The following SCAI variants were observed in gnomAD, a reference collection of about 807,000 sequenced individuals.
SCAI encodes the protein suppressor of cancer cell invasion.
A neutral mutation model predicts 92.2 loss-of-function variants in SCAI; 24 were observed. The ratio of observed to expected loss-of-function variants is 0.26; its 90% CI spans 0.19 to 0.37. The LOEUF (loss-of-function observed/expected upper bound fraction) is 0.37, where lower values mean the gene tolerates loss of function less well. Ranked by LOEUF, SCAI falls within the 10% of genes least tolerant of loss-of-function variation. The pLI, the probability that SCAI is intolerant of heterozygous loss-of-function variation, is 1.00. For missense variants in SCAI, 450 were observed against 736.2 expected (o/e 0.61, Z 4.50); for synonymous variants, 261 against 258.6 (o/e 1.01, Z -0.09).
intron 17 of SCAI, among the ~76,000 whole-genome samples, chr9:124,965,923 T>C (rs1476799535): frequency 6.6e-6 from 1 of 152,174 alleles, no homozygotes; most frequent in Non-Finnish European, 1.5e-5. Context: ...CATTTTTTAT[T>C]ACAATACACA....
intron 2 of SCAI, among the ~76,000 whole-genome samples, chr9:125,107,042 C>T (rs1467506638): frequency 6.6e-6 from 1 of 151,592 alleles, no homozygotes. Flanking sequence ...CTTTCAATTG[C>T]CCTTGAATTA....
intron 17 of SCAI, among the ~76,000 whole-genome samples, chr9:124,967,662 T>TACAC (rs59150863): frequency 6.9e-4 from 104 of 150,626 alleles, no homozygotes; most frequent in African/African-American, 2.0e-3. Flanking sequence ...AATAAAAAAA[T>TACAC]ACACACACAC....
At position 124,942,936 on chromosome 9, in the gene SCAI, T is replaced by A. The variant is rs2131556017; in HGVS notation, c.*9871A>T. On this transcript the variant is annotated 3_prime_UTR_variant, in exon 18 of 18. Transcript: ENST00000336505. ...AGAATCACAGTGTTTACTCTGAAAT[T>A]CATTTAGTGAAGTAGTGGAAGGCTA... is the stretch of plus-strand genomic sequence containing the variant. 1 of 152,364 alleles carries A rather than the reference T, an allele frequency of 6.6e-6. No homozygotes were observed. The highest frequency in any genetic ancestry group is 2.4e-5 in the African/African-American group (1 of 41,596). The allele number at this position is 152,364 out of a possible 1,614,324, so 9.4% of individuals were successfully genotyped here.
At chr9:124,965,350 C>T (rs1831519622) in intron 17 of SCAI, among the ~76,000 whole-genome samples, 1 of 152,168 alleles carries the variant, frequency 6.6e-6, no homozygotes, top group African/African-American at 2.4e-5. Flanking sequence ...TCTCCTGTCT[C>T]AGCCTCCCGA....
At chr9:125,025,651 T>C (rs1177204469) in intron 6 of SCAI, among the ~76,000 whole-genome samples, 4 of 152,192 alleles carry the variant, frequency 2.6e-5, no homozygotes, top group Non-Finnish European at 4.4e-5. Context: ...GAAAAGTAAC[T>C]GATGGAACTT....
chr9:125,018,616 T>A (rs1297899424), intron 9 of SCAI, among the ~76,000 whole-genome samples, 183 bp downstream of exon 9: 1 of 152,200 alleles, frequency 6.6e-6, no homozygotes, highest in Non-Finnish European at 1.5e-5. Flanking sequence ...TCTATGTTAT[T>A]AAAAATTCTT....
At chr9:125,130,936 CTTTTTTTTTTTTTTTT>C (rs545651994) in intron 2 of SCAI, among the ~76,000 whole-genome samples, 1 of 77,274 alleles carries the variant, frequency 1.3e-5, no homozygotes, top group Non-Finnish European at 2.6e-5. Context: ...GTTTGAACCG[CTTTTTTTTTTTTTTTT>C]TTTTTTTTTT....
At chr9:124,978,355 C>A (rs1831804999) in intron 14 of SCAI, among the ~76,000 whole-genome samples, 1 of 152,138 alleles carries the variant, frequency 6.6e-6, no homozygotes, top group Non-Finnish European at 1.5e-5. Context: ...GCAGGAGAGT[C>A]ACTTGAACCC....
chr9:125,050,732 C>T (rs1170517229), intron 3 of SCAI, among the ~76,000 whole-genome samples: 1 of 152,050 alleles, frequency 6.6e-6, no homozygotes, highest in Non-Finnish European at 1.5e-5. Flanking sequence ...ACCACCACAC[C>T]CAGCTAATTT....
chr9:125,108,389 G>A (rs567597656), intron 2 of SCAI, among the ~76,000 whole-genome samples: 8 of 150,874 alleles, frequency 5.3e-5, no homozygotes, highest in Admixed American at 4.6e-4. Flanking sequence ...GAAGTGAGGA[G>A]TGCCTCTTCC....
intron 7 of SCAI, among the ~76,000 whole-genome samples, 162 bp from the exon 8 acceptor site, chr9:125,019,367 T>C (rs990420324): frequency 4.6e-5 from 7 of 152,116 alleles, no homozygotes; most frequent in African/African-American, 1.7e-4. Flanking sequence ...AACTAATAAA[T>C]TTTCTTCAAA....
At chr9:124,968,566 C>G in intron 17 of SCAI, 1 of 914,794 alleles carries the variant, frequency 1.1e-6, no homozygotes, top group Non-Finnish European at 1.8e-6. Context: ...TCATAGTCCT[C>G]AAACGTGTAT....
intron 9 of SCAI, among the ~76,000 whole-genome samples, chr9:125,018,126 G>A (rs1379032119): frequency 6.6e-6 from 1 of 151,816 alleles, no homozygotes; most frequent in Non-Finnish European, 1.5e-5. Flanking sequence ...ACAGAGTCTC[G>A]CTCTGTCACC....
intron 14 of SCAI, among the ~76,000 whole-genome samples, chr9:124,981,292 C>A (rs993594773): frequency 6.6e-6 from 1 of 152,068 alleles, no homozygotes; most frequent in African/African-American, 2.4e-5. Context: ...AAAATCATAC[C>A]GTCTGCAACT....
intron 2 of SCAI, among the ~76,000 whole-genome samples, chr9:125,108,485 C>A (rs1012918572): frequency 6.6e-6 from 1 of 151,454 alleles, no homozygotes; most frequent in African/African-American, 2.4e-5. Flanking sequence ...TGCCCCGCCG[C>A]CCCGTCTGGG....
intron 3 of SCAI, among the ~76,000 whole-genome samples, chr9:125,033,579 A>G (rs150727472): frequency 0.01 from 1,588 of 152,286 alleles, 53 homozygotes; most frequent in Non-Finnish European, 7.1e-3. Flanking sequence ...TATTTCCCGC[A>G]TTTAAAAAGT....
At chr9:125,058,134 A>T (rs1010689474) in intron 2 of SCAI, among the ~76,000 whole-genome samples, 7 of 151,992 alleles carry the variant, frequency 4.6e-5, no homozygotes, top group Non-Finnish European at 1.0e-4. Context: ...AAAAAGATTT[A>T]TTAAAGGCAA....
intron 3 of SCAI, among the ~76,000 whole-genome samples, chr9:125,043,732 C>T (rs896557998): frequency 3.3e-5 from 5 of 152,200 alleles, no homozygotes; most frequent in African/African-American, 7.2e-5. Flanking sequence ...GCGATTCTCA[C>T]GCCTTAGCCT....
At chr9:125,042,615 A>ATG (rs150983142) in intron 3 of SCAI, among the ~76,000 whole-genome samples, 1,514 of 105,178 alleles carry the variant, frequency 0.014, 37 homozygotes, top group African/African-American at 0.04. Flanking sequence ...CCACCAGAGT[A>ATG]TGTGTGTGTG....
Sources: allele counts gnomAD v4.1 joint callset (sites outside exome capture counted in the v4.1 genomes callset), GRCh38; gene constraint gnomAD v4.1.1; transcripts MANE v1.5; gene names NCBI Gene and HGNC (gene_info 2026-07-23, HGNC 2026-07-21).